EPHA4: variants seen among roughly 807,000 people sequenced by gnomAD.
The protein encoded by EPHA4 is EPH receptor A4, also known as ephrin type-A receptor 4.
A neutral mutation model predicts 108.3 loss-of-function variants in EPHA4; 19 were observed. The ratio of observed to expected loss-of-function variants is 0.18; its 90% CI spans 0.12 to 0.26. The LOEUF (loss-of-function observed/expected upper bound fraction) is 0.26. Ranked by LOEUF, EPHA4 falls within the 10% of genes least tolerant of loss-of-function variation. The pLI, the probability that EPHA4 is intolerant of heterozygous loss-of-function variation, is 1.00. For synonymous variants in EPHA4, 449 were observed against 455.5 expected (o/e 0.99, Z 0.18); for missense variants, 917 against 1,254.0 (o/e 0.73, Z 4.06).
intron 17 of EPHA4, among the ~76,000 whole-genome samples, chr2:221,423,809 C>G (rs1689820357): frequency 6.6e-6 from 1 of 151,744 alleles, no homozygotes; most frequent in East Asian, 1.9e-4. Flanking sequence ...AGGTAACATT[C>G]TGTTGTTAGT....
intron 4 of EPHA4, among the ~76,000 whole-genome samples, chr2:221,482,969 G>T (rs1265545499): frequency 6.6e-6 from 1 of 152,218 alleles, no homozygotes; most frequent in Non-Finnish European, 1.5e-5. Context: ...CCAAGCCCAG[G>T]CTTTCCCTAT....
chr2:221,432,864 G>A (rs912162113), intron 14 of EPHA4, among the ~76,000 whole-genome samples: 23 of 120,188 alleles, frequency 1.9e-4, no homozygotes, highest in Non-Finnish European at 2.6e-4. Flanking sequence ...TTACTCTTTC[G>A]CCCAGGCTGG....
At chr2:221,506,128 T>C (rs763376042) in intron 3 of EPHA4, among the ~76,000 whole-genome samples, 5 of 152,148 alleles carry the variant, frequency 3.3e-5, no homozygotes, top group Non-Finnish European at 7.4e-5. Flanking sequence ...CTTGTGGGCA[T>C]GATACTAGGC....
chr2:221,452,472 C>T (rs1351786527), intron 8 of EPHA4, among the ~76,000 whole-genome samples: 2 of 152,178 alleles, frequency 1.3e-5, no homozygotes, highest in South Asian at 4.1e-4. Flanking sequence ...CCCATTTAAA[C>T]ATTTATAGTC....
intron 8 of EPHA4, among the ~76,000 whole-genome samples, chr2:221,450,103 A>C (rs2106112265): frequency 6.6e-6 from 1 of 152,334 alleles, no homozygotes; most frequent in South Asian, 2.1e-4. Flanking sequence ...TGACTTCATC[A>C]GAGCTGAATT....
chr2:221,451,533 T>C (rs1306575786), intron 8 of EPHA4, among the ~76,000 whole-genome samples: 2 of 152,184 alleles, frequency 1.3e-5, no homozygotes, highest in East Asian at 1.9e-4. Context: ...CTGGAGAGAA[T>C]GTACAAATAG....
chr2:221,465,831 G>T (rs1251587905), intron 5 of EPHA4, among the ~76,000 whole-genome samples: 5 of 152,166 alleles, frequency 3.3e-5, no homozygotes, highest in Non-Finnish European at 4.4e-5. Flanking sequence ...CATTGAACTG[G>T]CATTTGGGGT....
chr2:221,456,363 A>G (rs1690951807), intron 7 of EPHA4, among the ~76,000 whole-genome samples: 1 of 152,226 alleles, frequency 6.6e-6, no homozygotes, highest in Non-Finnish European at 1.5e-5. Context: ...GCTCAAAACA[A>G]GAGAAAAATA....
At chr2:221,528,467 G>A (rs1394186927) in intron 3 of EPHA4, among the ~76,000 whole-genome samples, 1 of 152,110 alleles carries the variant, frequency 6.6e-6, no homozygotes, top group Non-Finnish European at 1.5e-5. Context: ...GCCACCAACT[G>A]CTCACCTTAA....
Position 221,501,146 on chromosome 2 carries a change from G to C in EPHA4, c.850C>G (p.Leu284Val), listed in dbSNP as rs757297693. Residue 284 changes from leucine to valine, a missense_variant, in exon 4 of 18, where the codon CTC becomes GTC. Physicochemically the swap from Leu to Val is conservative, Grantham distance 32. This residue lies in a region of EPHA4 where 758 missense variants were observed against 1,076.7 expected (regional missense o/e 0.70). Transcript: ENST00000281821. ...QACKIGYYKA[L>V]STDATCAKCP... ...TTGGCACAGGTGGCATCCGTGGAGA[G>C]AGCCTTGTAATATCCAATTTTGCAA... The C allele has an allele frequency of 3.7e-6, 6 of 1,611,200 alleles. No individual in the cohort carries two copies. Among genetic ancestry groups the C allele is most frequent in the Non-Finnish European group, 5.1e-6 (6 of 1,178,860 alleles).
chr2:221,548,250 G>A (rs1334922137), intron 3 of EPHA4, among the ~76,000 whole-genome samples: 1 of 152,164 alleles, frequency 6.6e-6, no homozygotes, highest in Non-Finnish European at 1.5e-5. Flanking sequence ...CCAGCTACTT[G>A]GGAGGCTGAG....
intron 3 of EPHA4, among the ~76,000 whole-genome samples, chr2:221,505,608 G>C (rs1046335713): frequency 6.6e-6 from 1 of 152,152 alleles, no homozygotes; most frequent in Non-Finnish European, 1.5e-5. Flanking sequence ...ACAGGAATGA[G>C]CCATCACACC....
rs1436714812 is a variant in EPHA4, at chr2:221,434,177, C to T, written c.2461G>A (p.Gly821Arg). 7 of 1,613,912 alleles carry T rather than the reference C, an allele frequency of 4.3e-6. No homozygotes were observed. Among genetic ancestry groups the T allele is most frequent in the Admixed American group, 1.7e-5 (1 of 59,976 alleles). Residue 821 changes from glycine (G) to arginine (R), a missense_variant, in exon 14 of 18, where the codon GGG becomes AGG. Around this residue, in one of 3 missense-constraint regions of EPHA4, gnomAD observed 758 missense variants for 1,076.7 expected, o/e 0.70. Transcript: ENST00000281821. ...GIVMWEVMSY[G>R]ERPYWDMSNQ... Reference sequence around the variant, plus strand: ...GACATATCCCAATAGGGCCTCTCCCCGTACGACATCACTTCCCACATAACG... The same window carrying T: ...GACATATCCCAATAGGGCCTCTCCCTGTACGACATCACTTCCCACATAACG...
At chr2:221,430,860 C>A (rs753695940) in intron 14 of EPHA4, among the ~76,000 whole-genome samples, 1 of 152,124 alleles carries the variant, frequency 6.6e-6, no homozygotes, top group African/African-American at 2.4e-5. Context: ...AGGAGACCCT[C>A]GCACATCTAA....
At chr2:221,462,329 C>T (rs958103923) in intron 5 of EPHA4, among the ~76,000 whole-genome samples, 1 of 151,842 alleles carries the variant, frequency 6.6e-6, no homozygotes, top group Non-Finnish European at 1.5e-5. Flanking sequence ...TCCAATGACT[C>T]ATAGATGTCA....
chr2:221,543,395 A>G (rs984028787), intron 3 of EPHA4, among the ~76,000 whole-genome samples: 1 of 152,210 alleles, frequency 6.6e-6, no homozygotes, highest in Admixed American at 6.5e-5. Flanking sequence ...CATCAAAGAA[A>G]GTCTGGAAGC....
intron 15 of EPHA4, among the ~76,000 whole-genome samples, chr2:221,426,922 G>A (rs1689929360): frequency 6.6e-6 from 1 of 152,182 alleles, no homozygotes; most frequent in African/African-American, 2.4e-5. Context: ...GTGAAGACTG[G>A]GAGAGCCCTC....
Position 221,429,840 on chromosome 2 carries a change from G to T in EPHA4, c.2690+118C>A, listed in dbSNP as rs1419984140. Reference sequence around the variant, plus strand: ...ACTAATTGAGAAAGAAGCCACCCAGGTTGCAGAGAGCCATGAAGTGGCCTC... The same window carrying T: ...ACTAATTGAGAAAGAAGCCACCCAGTTTGCAGAGAGCCATGAAGTGGCCTC... On this transcript the variant is annotated intron_variant, in intron 15 of 17. Coordinates refer to ENST00000281821, the MANE Select transcript of EPHA4 (RefSeq NM_004438.5). The T allele has an allele frequency of 1.0e-5, 11 of 1,057,694 alleles. 1 individual carries two copies. The highest frequency in any genetic ancestry group is 7.3e-5 in the East Asian group (3 of 41,174). The allele number at this position is 1,057,694 out of a possible 1,614,324, so 65.5% of individuals were successfully genotyped here.
At chr2:221,556,612 T>C (rs1694310406) in intron 3 of EPHA4, among the ~76,000 whole-genome samples, 1 of 152,014 alleles carries the variant, frequency 6.6e-6, no homozygotes, top group South Asian at 2.1e-4. Flanking sequence ...CTACTTTTTT[T>C]TTTCATATTC....
Sources: allele counts gnomAD v4.1 joint callset (sites outside exome capture counted in the v4.1 genomes callset), GRCh38; gene constraint gnomAD v4.1.1; regional missense constraint gnomAD v4.1.1; transcripts MANE v1.5; gene names NCBI Gene and HGNC (gene_info 2026-07-23, HGNC 2026-07-21).